Variants in OPRM1 observed in about 807,000 individuals in gnomAD.
The protein encoded by OPRM1 is opioid receptor mu 1.
OPRM1 carries 27 observed loss-of-function variants against 31.8 expected under a neutral mutation model. That is an observed-to-expected ratio of 0.85 (90% CI 0.63 to 1.17). The LOEUF (loss-of-function observed/expected upper bound fraction) is 1.17, where lower values mean the gene tolerates loss of function less well. Among genes scored for constraint, OPRM1 ranks in the 50% most tolerant of loss-of-function variants. OPRM1 has a pLI of 0.00. For missense variants in OPRM1, 536 were observed against 511.1 expected (o/e 1.05, Z -0.47); for synonymous variants, 196 against 189.9 (o/e 1.03, Z -0.26).
intron 1 of OPRM1, chr6:154,087,661 G>A (rs1790936577): frequency 1.1e-6 from 1 of 911,578 alleles, no homozygotes; most frequent in Non-Finnish European, 1.3e-6. Flanking sequence ...GAACATGAGA[G>A]CATCCTTGCC....
chr6:154,157,567 G>A (rs997497708), intron 3 of OPRM1: 1 of 152,190 alleles, frequency 6.6e-6, no homozygotes, highest in South Asian at 2.1e-4. Context: ...ACAGTTGAAA[G>A]GCTGGGGAAA....
At chr6:154,160,945 G>A (rs1392024666) in intron 3 of OPRM1, among the ~76,000 whole-genome samples, 1 of 152,136 alleles carries the variant, frequency 6.6e-6, no homozygotes, top group Non-Finnish European at 1.5e-5. Context: ...GCATGTAAAT[G>A]CCGAGTCCCC....
intron 1 of OPRM1, among the ~76,000 whole-genome samples, chr6:154,044,873 T>G (rs1408933364): frequency 1.3e-5 from 2 of 152,158 alleles, no homozygotes; most frequent in African/African-American, 2.4e-5. Flanking sequence ...TAAGGTCAGA[T>G]GCAAGAAAAA....
At chr6:154,147,039 C>T (rs947219838) in intron 3 of OPRM1, among the ~76,000 whole-genome samples, 2 of 152,148 alleles carry the variant, frequency 1.3e-5, no homozygotes, top group Non-Finnish European at 1.5e-5. Flanking sequence ...TTGTACTCTT[C>T]ATAAATCAGT....
chr6:154,045,168 C>T (rs1403767395), intron 1 of OPRM1, among the ~76,000 whole-genome samples: 4 of 151,726 alleles, frequency 2.6e-5, no homozygotes, highest in Non-Finnish European at 1.5e-5. Flanking sequence ...AAGGCTGCAG[C>T]GAGCCGAGAT....
chr6:154,154,709 G>A (rs928231474), intron 3 of OPRM1: 22 of 152,358 alleles, frequency 1.4e-4, no homozygotes, highest in Admixed American at 3.9e-4. Context: ...CATGTCATTT[G>A]CCTAGATATA....
intron 3 of OPRM1, among the ~76,000 whole-genome samples, chr6:154,170,717 G>C (rs1043534130): frequency 6.6e-6 from 1 of 152,298 alleles, no homozygotes; most frequent in African/African-American, 2.4e-5. Context: ...AGTCATGAGG[G>C]AAATGCAAGC....
chr6:154,170,406 C>T (rs7754220), intron 3 of OPRM1, among the ~76,000 whole-genome samples: 6,323 of 152,204 alleles, frequency 0.042, 431 homozygotes, highest in African/African-American at 0.14. Context: ...ACTTCACATG[C>T]CTTAGAGTTT....
At chr6:154,069,315 T>C (rs758900066) in intron 1 of OPRM1, among the ~76,000 whole-genome samples, 4 of 152,192 alleles carry the variant, frequency 2.6e-5, no homozygotes, top group Non-Finnish European at 4.4e-5. Flanking sequence ...CTTGGCTTAC[T>C]GCAACCTCCA....
downstream of OPRM1, among the ~76,000 whole-genome samples, chr6:154,132,370 T>C (rs1234959658): frequency 6.6e-6 from 1 of 152,238 alleles, no homozygotes; most frequent in Non-Finnish European, 1.5e-5. Flanking sequence ...AGATTTTCCC[T>C]TGTCTTTCTC....
At chr6:154,159,972 G>C in intron 3 of OPRM1, 1 of 1,613,092 alleles carries the variant, frequency 6.2e-7, no homozygotes, top group Non-Finnish European at 8.5e-7. Context: ...TCCACTCTCT[G>C]TATTTCCTGG....
Position 154,128,577 on chromosome 6 carries a change from A to G in OPRM1, c.*9856A>G, listed in dbSNP as rs1797716349. On this transcript the variant is annotated 3_prime_UTR_variant, in exon 4 of 4. Transcript: ENST00000330432. ...TCTTTTAATTCTTTTTTTTCTCATA[A>G]TAAGTTTGAAACTCACAGTAGGAAA... Among the ~76,000 whole-genome samples, 1 of 152,160 alleles carries G rather than the reference A, an allele frequency of 6.6e-6. No homozygotes were observed. Among genetic ancestry groups the G allele is most frequent in the Non-Finnish European group, 1.5e-5 (1 of 68,024 alleles).
At chr6:154,111,494 G>A (rs1356654627) in intron 3 of OPRM1, among the ~76,000 whole-genome samples, 2 of 152,048 alleles carry the variant, frequency 1.3e-5, no homozygotes, top group African/African-American at 2.4e-5. Context: ...CAATGCACCT[G>A]GGCACACCAC....
chr6:154,190,053 T>C (rs1801732892), intron 3 of OPRM1, among the ~76,000 whole-genome samples: 1 of 152,150 alleles, frequency 6.6e-6, no homozygotes, highest in Admixed American at 6.5e-5. Flanking sequence ...TTGTAGACAA[T>C]AATGTATCAT....
chr6:154,179,422 G>A (rs545171017), intron 3 of OPRM1, among the ~76,000 whole-genome samples: 1 of 151,498 alleles, frequency 6.6e-6, no homozygotes, highest in South Asian at 2.2e-4. Context: ...AGATCATAAA[G>A]AGCGAGGAAA....
intron 3 of OPRM1, among the ~76,000 whole-genome samples, chr6:154,193,057 G>C (rs996742906): frequency 3.3e-5 from 5 of 152,168 alleles, no homozygotes; most frequent in African/African-American, 1.2e-4. Flanking sequence ...TACGAAGAAG[G>C]ATACTTGCAT....
At chr6:154,241,743 A>G (rs540337368) in intron 3 of OPRM1, among the ~76,000 whole-genome samples, 2 of 152,034 alleles carry the variant, frequency 1.3e-5, no homozygotes, top group East Asian at 1.9e-4. Context: ...AAAACATCCA[A>G]TCTATTGCTG....
chr6:154,052,522 T>C (rs1268000464), intron 1 of OPRM1, among the ~76,000 whole-genome samples: 3 of 152,198 alleles, frequency 2.0e-5, no homozygotes, highest in Non-Finnish European at 4.4e-5. Context: ...TTCCATATAA[T>C]TTTCACATGC....
intron 1 of OPRM1, among the ~76,000 whole-genome samples, chr6:154,027,631 A>T (rs1778773799): frequency 6.6e-6 from 1 of 152,216 alleles, no homozygotes; most frequent in African/African-American, 2.4e-5. Flanking sequence ...CTAGAGTCAA[A>T]AACCTTAGAA....
Sources: allele counts gnomAD v4.1 joint callset (sites outside exome capture counted in the v4.1 genomes callset), GRCh38; gene constraint gnomAD v4.1.1; transcripts MANE v1.5; gene names NCBI Gene and HGNC (gene_info 2026-07-23, HGNC 2026-07-21).